The following GALNT17 variants were observed in gnomAD, a reference collection of about 807,000 sequenced individuals.
The protein encoded by GALNT17 is UDP-GalNAc:polypeptide N-acetylgalactosaminyltransferase-like 3.
A neutral mutation model predicts 63.7 loss-of-function variants in GALNT17; 29 were observed. The ratio of observed to expected loss-of-function variants is 0.46; its 90% CI spans 0.34 to 0.62. GALNT17 has a LOEUF of 0.62. Ranked by LOEUF, GALNT17 falls within the 20% of genes least tolerant of loss-of-function variation. GALNT17 has a pLI of 0.01. For missense variants in GALNT17, 603 were observed against 799.6 expected (o/e 0.75, Z 2.97); for synonymous variants, 305 against 318.3 (o/e 0.96, Z 0.45).
intron 5 of GALNT17, among the ~76,000 whole-genome samples, chr7:71,458,864 G>A (rs1380765950): frequency 6.6e-6 from 1 of 152,066 alleles, no homozygotes; most frequent in Non-Finnish European, 1.5e-5. Context: ...GGGAGCTGGG[G>A]GTTCGGGGTT....
At chr7:71,710,305 C>A (rs1584153580) in intron 9 of GALNT17, among the ~76,000 whole-genome samples, 1 of 152,066 alleles carries the variant, frequency 6.6e-6, no homozygotes. Flanking sequence ...GTCAGGAGTT[C>A]GAGACCAGCC....
intron 1 of GALNT17, among the ~76,000 whole-genome samples, chr7:71,156,408 A>T (rs891418434): frequency 1.3e-5 from 2 of 151,714 alleles, no homozygotes. Flanking sequence ...GTGACTTGGG[A>T]ATATACACAT....
intron 7 of GALNT17, among the ~76,000 whole-genome samples, chr7:71,668,516 C>CAA (rs56329930): frequency 4.8e-5 from 3 of 62,960 alleles, no homozygotes; most frequent in African/African-American, 1.0e-4. Context: ...GACACCATCT[C>CAA]AAAAAAAAAA....
chr7:71,560,669 G>A (rs1222725247), intron 5 of GALNT17, among the ~76,000 whole-genome samples: 1 of 152,184 alleles, frequency 6.6e-6, no homozygotes, highest in Non-Finnish European at 1.5e-5. Flanking sequence ...GCACCGTCAT[G>A]AGAAAGTTCA....
intron 1 of GALNT17, among the ~76,000 whole-genome samples, chr7:71,294,283 C>A (rs1791037396): frequency 1.3e-5 from 2 of 151,680 alleles, no homozygotes; most frequent in Non-Finnish European, 2.9e-5. Flanking sequence ...ATGTTTATTT[C>A]TCTTCCCAGT....
At chr7:71,677,885 A>G (rs969318057) in intron 9 of GALNT17, among the ~76,000 whole-genome samples, 2 of 152,028 alleles carry the variant, frequency 1.3e-5, no homozygotes, top group African/African-American at 4.8e-5. Flanking sequence ...ACCCTCTGCC[A>G]CATCACTGCC....
At chr7:71,257,585 C>A (rs892079488) in intron 1 of GALNT17, among the ~76,000 whole-genome samples, 1 of 152,162 alleles carries the variant, frequency 6.6e-6, no homozygotes, top group Non-Finnish European at 1.5e-5. Context: ...TCCTTCTCCA[C>A]TATTATTTAT....
At chr7:71,538,124 T>C (rs999747045) in intron 5 of GALNT17, among the ~76,000 whole-genome samples, 1 of 152,148 alleles carries the variant, frequency 6.6e-6, no homozygotes, top group African/African-American at 2.4e-5. Flanking sequence ...ATATAACAAC[T>C]GGCACAAAGA....
At chr7:71,701,164 T>C (rs1791625332) in intron 9 of GALNT17, among the ~76,000 whole-genome samples, 2 of 152,068 alleles carry the variant, frequency 1.3e-5, no homozygotes, top group South Asian at 4.2e-4. Context: ...AAATTTTAAA[T>C]AAGATGATCA....
intron 5 of GALNT17, among the ~76,000 whole-genome samples, chr7:71,442,077 T>C (rs1787077416): frequency 1.3e-5 from 2 of 152,206 alleles, no homozygotes; most frequent in African/African-American, 2.4e-5. Context: ...TCCACAATGG[T>C]TGAACTGATT....
At chr7:71,170,479 G>A (rs1027580961) in intron 1 of GALNT17, among the ~76,000 whole-genome samples, 2 of 151,682 alleles carry the variant, frequency 1.3e-5, no homozygotes, top group Non-Finnish European at 2.9e-5. Flanking sequence ...GTGATTACAG[G>A]CACATGCGAT....
intron 6 of GALNT17, among the ~76,000 whole-genome samples, chr7:71,608,347 A>T (rs1037231047): frequency 3.9e-5 from 6 of 152,074 alleles, no homozygotes; most frequent in African/African-American, 1.4e-4. Context: ...GGCTCCATCC[A>T]TCTACCAGGG....
At chr7:71,684,449 G>A (rs190298350) in intron 9 of GALNT17, among the ~76,000 whole-genome samples, 314 of 152,274 alleles carry the variant, frequency 2.1e-3, no homozygotes, top group Non-Finnish European at 3.6e-3. Context: ...CTGACCCGCA[G>A]CCCAGGGTTT....
At position 71,356,250 on chromosome 7, in the gene GALNT17, T is replaced by C. The variant is rs1038606591; in HGVS notation, c.422+20517T>C. On this transcript the variant is annotated intron_variant, in intron 2 of 10. Coordinates refer to ENST00000333538, the MANE Select transcript of GALNT17 (RefSeq NM_022479.3). Reference sequence around the variant, plus strand: ...GCCTTGGCCTCCCAAAGTGCTGAGATTTGCTTACATTCATTAATTTTGTTG... The same window carrying C: ...GCCTTGGCCTCCCAAAGTGCTGAGACTTGCTTACATTCATTAATTTTGTTG... 3.3e-5 allele frequency among the ~76,000 whole-genome samples: 5 copies of C among 152,344 alleles called. No individual in the cohort carries two copies. The East Asian group carries it at 9.7e-4, about 29-fold the overall frequency.
At chr7:71,489,439 T>C (rs1787970380) in intron 5 of GALNT17, among the ~76,000 whole-genome samples, 1 of 152,216 alleles carries the variant, frequency 6.6e-6, no homozygotes, top group Non-Finnish European at 1.5e-5. Context: ...CTATTTGCCA[T>C]GGTAAGTGAC....
At position 71,712,072 on chromosome 7, in the gene GALNT17, G is replaced by T; in HGVS notation, c.1723G>T (p.Gly575Cys). 1 of 1,614,084 alleles carries T rather than the reference G, an allele frequency of 6.2e-7. No individual in the cohort carries two copies. The highest frequency in any genetic ancestry group is 8.5e-7 in the Non-Finnish European group (1 of 1,179,998). Residue 575 changes from glycine to cysteine, a missense_variant, in exon 11 of 11, where the codon GGC becomes TGC. Coordinates refer to ENST00000333538, the MANE Select transcript of GALNT17 (RefSeq NM_022479.3). ...ACGCTGCCTGGAGGTGGAGAACCGGGGCCTGGCTGGCATCGACCTCATCCT... is the reference window on the plus strand; with the variant it reads ...ACGCTGCCTGGAGGTGGAGAACCGGTGCCTGGCTGGCATCGACCTCATCCT... The part of the protein sequence containing the change: ...TGRCLEVENR[G>C]LAGIDLILRS...
chr7:71,711,878 GTC>G (rs1218748409), intron 10 of GALNT17, 138 bp from the exon 11 acceptor site: 23 of 881,322 alleles, frequency 2.6e-5, no homozygotes, highest in Middle Eastern at 5.1e-4. Context: ...CTCTTTCTCT[GTC>G]TCTCTCTTTC....
Position 71,630,251 on chromosome 7 carries a change from A to G in GALNT17, c.1081-35160A>G, listed in dbSNP as rs2116987412. Among the ~76,000 whole-genome samples the G allele has an allele frequency of 2.0e-5, 3 of 152,356 alleles. 1 individual carries two copies. On this transcript the variant is annotated intron_variant, in intron 6 of 10. Coordinates refer to ENST00000333538, the MANE Select transcript of GALNT17 (RefSeq NM_022479.3). ...ATACCACCTAAACAGCCCTTTCTTCAGGTAACTGAAAAGATGCTCTTACAA... is the reference window on the plus strand; with the variant it reads ...ATACCACCTAAACAGCCCTTTCTTCGGGTAACTGAAAAGATGCTCTTACAA...
rs114041838 is a variant in GALNT17, at chr7:71,134,210, C to T, written c.238+1170C>T. The stretch of plus-strand genomic sequence containing the variant: ...ATAATAATAGAGTCTGGAGTCAGAA[C>T]CCTGTGTCTGGTTGACCACAGAGCC... On this transcript the variant is annotated intron_variant, in intron 1 of 10. Transcript: ENST00000333538. Among the ~76,000 whole-genome samples, 210 of 152,320 alleles carry T rather than the reference C, an allele frequency of 1.4e-3. 1 individual carries two copies. The highest frequency in any genetic ancestry group is 4.9e-3 in the African/African-American group (203 of 41,568).
Sources: allele counts gnomAD v4.1 joint callset (sites outside exome capture counted in the v4.1 genomes callset), GRCh38; gene constraint gnomAD v4.1.1; transcripts MANE v1.5; gene names NCBI Gene and HGNC (gene_info 2026-07-23, HGNC 2026-07-21).